DNAAF11: variants seen among roughly 807,000 people sequenced by gnomAD.
DNAAF11 encodes leucine rich repeat containing 6.
DNAAF11 carries 45 observed loss-of-function variants against 60.8 expected under a neutral mutation model. That is an observed-to-expected ratio of 0.74 (90% CI 0.58 to 0.95). The LOEUF (loss-of-function observed/expected upper bound fraction) is 0.95. Among genes scored for constraint, DNAAF11 ranks in the 40% least tolerant of loss-of-function variants. DNAAF11 has a pLI of 0.00. For missense variants in DNAAF11, 546 were observed against 546.2 expected (o/e 1.00, Z 0.00); for synonymous variants, 191 against 183.5 (o/e 1.04, Z -0.33).
chr8:132,689,704 T>A, the DNAAF11 span, among the ~76,000 whole-genome samples: 1 of 152,002 alleles, frequency 6.6e-6, no homozygotes, highest in African/African-American at 2.4e-5. Flanking sequence ...TACGTGTGTG[T>A]GTGTGTGTGT....
At chr8:132,689,612 T>TA in the DNAAF11 span, among the ~76,000 whole-genome samples, 1 of 152,176 alleles carries the variant, frequency 6.6e-6, no homozygotes, top group Admixed American at 6.5e-5. Context: ...TTTGCTTCTT[T>TA]AAAAAATTAA....
intron 8 of DNAAF11, among the ~76,000 whole-genome samples, chr8:132,612,058 G>A (rs1201871879): frequency 6.6e-6 from 1 of 152,166 alleles, no homozygotes; most frequent in East Asian, 1.9e-4. Flanking sequence ...TGTTAAGGCA[G>A]GTAAGCTAAT....
chr8:132,649,145 G>A (rs1253384234), intron 3 of DNAAF11, among the ~76,000 whole-genome samples: 1 of 152,170 alleles, frequency 6.6e-6, no homozygotes, highest in Non-Finnish European at 1.5e-5. Flanking sequence ...AACCAAAACA[G>A]CATGGTACTG....
At chr8:132,672,880 C>T (rs140343649) in intron 1 of DNAAF11, among the ~76,000 whole-genome samples, 1 of 152,234 alleles carries the variant, frequency 6.6e-6, no homozygotes, top group East Asian at 1.9e-4. Context: ...ATCAATGTTC[C>T]CCTCCTCATC....
intron 10 of DNAAF11, among the ~76,000 whole-genome samples, chr8:132,588,036 G>A (rs1216902745): frequency 6.6e-6 from 1 of 152,146 alleles, no homozygotes; most frequent in Non-Finnish European, 1.5e-5. Flanking sequence ...TAGACTATGT[G>A]AGCTGTGTAA....
intron 5 of DNAAF11, among the ~76,000 whole-genome samples, chr8:132,627,343 A>G (rs1304221391): frequency 1.3e-5 from 2 of 152,230 alleles, no homozygotes; most frequent in Non-Finnish European, 2.9e-5. Context: ...GCTAAATAAC[A>G]TAAGTCTCCA....
At chr8:132,596,785 C>T (rs949846622) in intron 10 of DNAAF11, among the ~76,000 whole-genome samples, 4 of 152,202 alleles carry the variant, frequency 2.6e-5, no homozygotes, top group African/African-American at 4.8e-5. Context: ...AAGAGCGACA[C>T]TCCCTCTCCT....
intron 1 of DNAAF11, 57 bp downstream of exon 1, chr8:132,675,427 C>T (rs1026610963): frequency 1.0e-5 from 16 of 1,539,622 alleles, no homozygotes; most frequent in Non-Finnish European, 1.1e-5. Context: ...TCCCACGAGA[C>T]CCGGGACTAC....
At chr8:132,702,228 G>C in the DNAAF11 span, 1 of 152,190 alleles carries the variant, frequency 6.6e-6, no homozygotes, top group African/African-American at 2.4e-5. Flanking sequence ...ACGGCCACAA[G>C]TCATGAAATT....
At position 132,625,359 on chromosome 8, in the gene DNAAF11, C is replaced by T. The variant is rs746621898; in HGVS notation, c.749G>A (p.Trp250Ter). 6.2e-7 allele frequency: 1 copy of T among 1,613,332 alleles called. No individual in the cohort carries two copies. The highest frequency in any genetic ancestry group is 1.3e-5 in the African/African-American group (1 of 74,986). ...AGGAGTAAACAAACAGGGCTTATTC[C>T]AGAATTCCAAGTCATCTTCACTGTT... Reference protein sequence around the residue: ...LDNSEDDLEFWNKPCLFTPES... With the variant: ...LDNSEDDLEF The change falls in exon 6 of 12, where the codon TGG becomes TAG. Residue 250 changes from tryptophan (W) to a stop codon, truncating the protein, a stop_gained. Transcript: ENST00000620350. LOFTEE classifies it high-confidence loss of function.
chr8:132,659,125 G>A (rs1020338782), intron 2 of DNAAF11, among the ~76,000 whole-genome samples: 14 of 152,190 alleles, frequency 9.2e-5, no homozygotes, highest in Non-Finnish European at 1.9e-4. Context: ...CAGTAGGTCT[G>A]GGGACGGGGC....
intron 1 of DNAAF11, among the ~76,000 whole-genome samples, chr8:132,663,692 G>A (rs1396341497): frequency 1.3e-5 from 2 of 152,174 alleles, no homozygotes; most frequent in African/African-American, 4.8e-5. Context: ...TGCCCATCCA[G>A]AGCCCAAGTC....
At chr8:132,583,934 G>T (rs1215760262) in intron 10 of DNAAF11, among the ~76,000 whole-genome samples, 155 bp from the exon 11 acceptor site, 1 of 152,154 alleles carries the variant, frequency 6.6e-6, no homozygotes, top group Non-Finnish European at 1.5e-5. Context: ...TATATGCAGT[G>T]TAGAGAAGGT....
chr8:132,621,163 C>T (rs10094388), intron 7 of DNAAF11, among the ~76,000 whole-genome samples: 1,594 of 152,142 alleles, frequency 0.01, 24 homozygotes, highest in African/African-American at 0.035. Context: ...CTGAAAGTGG[C>T]GATGGGCTGT....
intron 2 of DNAAF11, among the ~76,000 whole-genome samples, chr8:132,660,812 T>C (rs1480021846): frequency 6.6e-6 from 1 of 152,178 alleles, no homozygotes; most frequent in South Asian, 2.1e-4. Flanking sequence ...GAGAAACTTG[T>C]GGTTGTTCAA....
chr8:132,674,834 G>A (rs1825626451), intron 1 of DNAAF11, among the ~76,000 whole-genome samples: 2 of 152,246 alleles, frequency 1.3e-5, no homozygotes, highest in South Asian at 2.1e-4. Flanking sequence ...GCTGCAGTGG[G>A]CCGAGATCGC....
At chr8:132,667,266 A>C (rs992927388) in intron 1 of DNAAF11, among the ~76,000 whole-genome samples, 1 of 152,188 alleles carries the variant, frequency 6.6e-6, no homozygotes, top group Non-Finnish European at 1.5e-5. Context: ...CTGTTCATCT[A>C]TTTCAGTTTT....
In DNAAF11 at chr8:132,578,341, C is replaced by A. The variant is rs1171575484; in HGVS notation, c.1226+5353G>T. ...GATCTCTGGAGTCAAAAACAGTAAGCAGCTAAGCCTGGGGCACTTGAAGAT... is the reference window on the plus strand; with the variant it reads ...GATCTCTGGAGTCAAAAACAGTAAGAAGCTAAGCCTGGGGCACTTGAAGAT... On this transcript the variant is annotated intron_variant, in intron 11 of 11. Transcript: ENST00000620350. 3 of 814,538 alleles carry A rather than the reference C, an allele frequency of 3.7e-6. No individual in the cohort carries two copies. The East Asian group carries it at 8.6e-5, about 23-fold the overall frequency. 50.5% of individuals were successfully genotyped at this position (814,538 alleles called of 1,614,324 possible). A position where few individuals can be genotyped will look rare whatever the true frequency, so the allele number is the denominator to read the frequency against.
At chr8:132,675,456 C>A in intron 1 of DNAAF11, 28 bp downstream of exon 1, 2 of 1,560,402 alleles carry the variant, frequency 1.3e-6, no homozygotes, top group Non-Finnish European at 1.7e-6. Context: ...GGGGAACGAT[C>A]GAGGACGGAA....
Sources: allele counts gnomAD v4.1 joint callset (sites outside exome capture counted in the v4.1 genomes callset), GRCh38; gene constraint gnomAD v4.1.1; transcripts MANE v1.5; gene names NCBI Gene and HGNC (gene_info 2026-07-23, HGNC 2026-07-21).